Variants in PITPNM2 observed in about 807,000 individuals in gnomAD.
PITPNM2 encodes the protein membrane-associated phosphatidylinositol transfer protein 2.
In PITPNM2, 35 loss-of-function variants were observed where a neutral mutation model predicts 132.2. The observed-to-expected ratio is 0.26, with a 90% CI of 0.20 to 0.35. PITPNM2 has a LOEUF of 0.35. Among genes scored for constraint, PITPNM2 ranks in the 10% least tolerant of loss-of-function variants. The pLI is 1.00. For missense variants in PITPNM2, 1,332 were observed against 1,912.0 expected, an observed-to-expected ratio of 0.70 and a Z score of 5.66; for synonymous variants, 738 against 799.2, an observed-to-expected ratio of 0.92 and a Z score of 1.29.
intron 18 of PITPNM2, 24 bp downstream of exon 18, chr12:122,989,751 TGACCCCCAGTGA>T: frequency 7.4e-7 from 1 of 1,352,944 alleles, no homozygotes; most frequent in Non-Finnish European, 9.6e-7. Flanking sequence ...AGCAGCAGAG[TGACCCCCAGTGA>T]GGGGAAAGTG....
rs1053783891 is a variant in PITPNM2 at position 122,993,681 on chromosome 12, C to T, written c.2234-1012G>A. Among the ~76,000 whole-genome samples the T allele has an allele frequency of 6.6e-6, 1 of 152,190 alleles. No homozygotes were observed. Among genetic ancestry groups the T allele is most frequent in the African/African-American group, 2.4e-5 (1 of 41,450 alleles). ...CCACAACGGTACTGTCCCTAAGTCT[C>T]CATGCACCTGTGTGGGACTCTGTGG... is the stretch of plus-strand genomic sequence containing the variant. On this transcript the variant is annotated intron_variant, in intron 15 of 25. Coordinates refer to ENST00000320201, the MANE Select transcript of PITPNM2 (RefSeq NM_020845.3). The surrounding 1 kb of genome is among the most constrained non-coding windows in gnomAD (Gnocchi z 5.2).
In PITPNM2 at chr12:123,081,426, C is replaced by A. The variant is rs75625781; in HGVS notation, c.-96+28959G>T. The A allele has an allele frequency of 4.6e-3, 706 of 152,438 alleles. 7 individuals are homozygous for A. The highest frequency in any genetic ancestry group is 0.035 in the East Asian group (180 of 5,188). The allele number at this position is 152,438 out of a possible 1,614,324, so 9.4% of individuals were successfully genotyped here. ...TGTAAAATTGGAATAGGTCCCCCCC[C>A]ACTCCTTAATGTGGTGGCAGAGACC... On this transcript the variant is annotated intron_variant, in intron 2 of 25. Transcript: ENST00000320201.
chr12:123,095,895 A>G lies in PITPNM2; in HGVS notation c.-96+14490T>C, dbSNP rs1035244411. ...CATGGGCTCCACGCCCCAGTGGCAG[A>G]CCCCCCCAACCCCACTTCCACAAGG... On this transcript the variant is annotated intron_variant, in intron 2 of 25. Coordinates refer to ENST00000320201, the MANE Select transcript of PITPNM2 (RefSeq NM_020845.3). This position sits in a 1 kb window ranked among gnomAD's most constrained non-coding sequence, Gnocchi z 5.0. Among the ~76,000 whole-genome samples, 3 of 151,790 alleles carry G rather than the reference A, an allele frequency of 2.0e-5. No homozygotes were observed. The highest frequency in any genetic ancestry group is 2.9e-5 in the Non-Finnish European group (2 of 67,970).
chr12:122,983,782 G>A lies in PITPNM2; in HGVS notation c.*2245C>T, dbSNP rs1226203725. ...GGGCGTGGGGGTGTGGTGGGAGTGGGACTAAGGCTTCTATTCTAACAGGCC... is the reference window on the plus strand; with the variant it reads ...GGGCGTGGGGGTGTGGTGGGAGTGGAACTAAGGCTTCTATTCTAACAGGCC... On this transcript the variant is annotated 3_prime_UTR_variant, in exon 26 of 26. Transcript: ENST00000320201. 1 of 152,432 alleles carries A rather than the reference G, an allele frequency of 6.6e-6. No individual in the cohort carries two copies. The allele number at this position is 152,432 out of a possible 1,614,324, so 9.4% of individuals were successfully genotyped here.
intron 2 of PITPNM2, among the ~76,000 whole-genome samples, chr12:123,070,798 T>TG (rs900894063): frequency 4.3e-4 from 66 of 152,296 alleles, no homozygotes; most frequent in African/African-American, 1.6e-3. Context: ...AGGCTAGTTG[T>TG]GGGGGCAGCC....
rs2041989020 is a variant in PITPNM2 at position 123,082,368 on chromosome 12, C to T, written c.-96+28017G>A. Reference sequence around the variant, plus strand: ...CAGAGCGTTGATCGTTATCTAGTACCCGACTTACTTTTCTTTCTTCTTTCC... The same window carrying T: ...CAGAGCGTTGATCGTTATCTAGTACTCGACTTACTTTTCTTTCTTCTTTCC... On this transcript the variant is annotated intron_variant, in intron 2 of 25. Transcript: ENST00000320201. This position sits in a 1 kb window ranked among gnomAD's most constrained non-coding sequence, Gnocchi z 5.4. Among the ~76,000 whole-genome samples the T allele has an allele frequency of 6.6e-6, 1 of 152,184 alleles. No homozygotes were observed. The highest frequency in any genetic ancestry group is 6.5e-5 in the Admixed American group (1 of 15,288).
intron 2 of PITPNM2, among the ~76,000 whole-genome samples, chr12:123,047,144 G>A (rs2040688802): frequency 6.6e-6 from 1 of 152,218 alleles, no homozygotes; most frequent in Admixed American, 6.5e-5. Flanking sequence ...CCAGGCTAAA[G>A]CTATGTATTG....
chr12:123,148,837 G>C (rs1026725454), intron 1 of PITPNM2, among the ~76,000 whole-genome samples: 11 of 152,118 alleles, frequency 7.2e-5, no homozygotes, highest in African/African-American at 2.7e-4. Flanking sequence ...AATCAGACTA[G>C]GGTGGTTCGA....
chr12:122,997,346 T>C lies in PITPNM2; in HGVS notation c.1451A>G (p.Asp484Gly), dbSNP rs140191385. ...TCACTTGGAGACCAGGGCAAAGGCG[T>C]CAGAGCAGACGGGCGGGCAGGGCAC... ...RLVPCPPVCS[D>G]AFALVSNLSP... The change falls in exon 11 of 26, where the codon GAC (aspartate) becomes GGC (glycine). Residue 484 changes from aspartate (D) to glycine (G), a missense_variant. Physicochemically the swap from Asp to Gly is moderately conservative, Grantham distance 94. Around this residue, in one of 6 missense-constraint regions of PITPNM2, gnomAD observed 710 missense variants for 911.5 expected, o/e 0.78. Coordinates refer to ENST00000320201, the MANE Select transcript of PITPNM2 (RefSeq NM_020845.3). 29 of 1,613,142 alleles carry C rather than the reference T, an allele frequency of 1.8e-5. No individual in the cohort carries two copies. The highest frequency in any genetic ancestry group is 2.3e-5 in the Non-Finnish European group (27 of 1,179,912).
Position 123,117,918 on chromosome 12 carries a change from T to C in PITPNM2, c.-199-7430A>G, listed in dbSNP as rs2137407804. ...CCAGAATGCCCCATGCAATCTCCTATGCTCCCTCTTTCTCTGCTTACCAGC... is the reference window on the plus strand; with the variant it reads ...CCAGAATGCCCCATGCAATCTCCTACGCTCCCTCTTTCTCTGCTTACCAGC... On this transcript the variant is annotated intron_variant, in intron 1 of 25. Coordinates refer to ENST00000320201, the MANE Select transcript of PITPNM2 (RefSeq NM_020845.3). This position sits in a 1 kb window ranked among gnomAD's most constrained non-coding sequence, Gnocchi z 4.7. 6.6e-6 allele frequency among the ~76,000 whole-genome samples: 1 copy of C among 152,344 alleles called. No homozygotes were observed. The highest frequency in any genetic ancestry group is 2.4e-5 in the African/African-American group (1 of 41,574).
In PITPNM2 at chr12:123,058,437, A is replaced by G. The variant is rs2041116206; in HGVS notation, c.-95-23752T>C. Among the ~76,000 whole-genome samples, 1 of 152,144 alleles carries G rather than the reference A, an allele frequency of 6.6e-6. No homozygotes were observed. ...TTGGTTCCTCTGAAATCCTCCTTCT[A>G]GAAACCATTAGAGGACATCTTCCCA... On this transcript the variant is annotated intron_variant, in intron 2 of 25. Coordinates refer to ENST00000320201, the MANE Select transcript of PITPNM2 (RefSeq NM_020845.3). This position sits in a 1 kb window ranked among gnomAD's most constrained non-coding sequence, Gnocchi z 4.0.
Position 123,106,182 on chromosome 12 carries a change from C to T in PITPNM2, c.-96+4203G>A, listed in dbSNP as rs935861684. On this transcript the variant is annotated intron_variant, in intron 2 of 25. Transcript: ENST00000320201. This position sits in a 1 kb window ranked among gnomAD's most constrained non-coding sequence, Gnocchi z 4.4. ...GAAGACATCCTTCTGAAGCACAATT[C>T]GACACAAGCCAGAGGAATGCAGGCT... 2.6e-5 allele frequency among the ~76,000 whole-genome samples: 4 copies of T among 152,322 alleles called. No individual in the cohort carries two copies. Among genetic ancestry groups the T allele is most frequent in the African/African-American group, 7.2e-5 (3 of 41,560 alleles).
chr12:123,125,338 A>G lies in PITPNM2; in HGVS notation c.-199-14850T>C, dbSNP rs182977255. ...TGAGTCTTGAATTGTTAGAGAAGGA[A>G]GAAGTTAGGTAGAAGCAAAAACAAA... is the stretch of plus-strand genomic sequence containing the variant. On this transcript the variant is annotated intron_variant, in intron 1 of 25. Coordinates refer to ENST00000320201, the MANE Select transcript of PITPNM2 (RefSeq NM_020845.3). 6.6e-5 allele frequency among the ~76,000 whole-genome samples: 10 copies of G among 152,294 alleles called. No individual in the cohort carries two copies. In the East Asian group the frequency reaches 1.9e-3, roughly 29 times the overall value.
At chr12:123,109,839 G>A (rs1566297616) in intron 2 of PITPNM2, among the ~76,000 whole-genome samples, 1 of 152,236 alleles carries the variant, frequency 6.6e-6, no homozygotes, top group Non-Finnish European at 1.5e-5. Context: ...ATCCTATTTG[G>A]AATCGAAAGC....
chr12:123,136,575 C>A (rs1054118862), intron 1 of PITPNM2, among the ~76,000 whole-genome samples: 5 of 152,140 alleles, frequency 3.3e-5, no homozygotes, highest in African/African-American at 1.2e-4. Flanking sequence ...GAATGCAACT[C>A]CTCCTTAGTC....
chr12:123,076,646 T>A (rs909945069), intron 2 of PITPNM2, among the ~76,000 whole-genome samples: 1 of 152,222 alleles, frequency 6.6e-6, no homozygotes, highest in Admixed American at 6.5e-5. Flanking sequence ...TACTGGAACA[T>A]CTAGACTTCT....
At chr12:123,053,690 C>T (rs1424574316) in intron 2 of PITPNM2, among the ~76,000 whole-genome samples, 1 of 151,698 alleles carries the variant, frequency 6.6e-6, no homozygotes, top group African/African-American at 2.4e-5. Context: ...GCCTCGGCCT[C>T]CTGAGTAGCT....
At chr12:123,144,706 A>G (rs967080286) in intron 1 of PITPNM2, among the ~76,000 whole-genome samples, 7 of 152,176 alleles carry the variant, frequency 4.6e-5, no homozygotes, top group African/African-American at 1.7e-4. Flanking sequence ...CTAGGATTAC[A>G]GGCATGAGCC....
chr12:122,992,052 C>G lies in PITPNM2; in HGVS notation c.2404+447G>C, dbSNP rs958736903. ...GGGGCAGGGGTCGGGCCAAGCCTAC[C>G]TGGACCTCCCCTGCCCCAACGCATC... On this transcript the variant is annotated intron_variant, in intron 16 of 25. Coordinates refer to ENST00000320201, the MANE Select transcript of PITPNM2 (RefSeq NM_020845.3). This position sits in a 1 kb window ranked among gnomAD's most constrained non-coding sequence, Gnocchi z 6.5. Among the ~76,000 whole-genome samples the G allele has an allele frequency of 5.3e-5, 8 of 152,092 alleles. No individual in the cohort carries two copies. The highest frequency in any genetic ancestry group is 6.8e-3 in the Middle Eastern group (2 of 294).
Sources: allele counts gnomAD v4.1 joint callset (sites outside exome capture counted in the v4.1 genomes callset), GRCh38; gene constraint gnomAD v4.1.1; regional missense constraint gnomAD v4.1.1; non-coding constraint Gnocchi (gnomAD v3.1); transcripts MANE v1.5; gene names NCBI Gene and HGNC (gene_info 2026-07-23, HGNC 2026-07-21).